Variants in SGMS2 observed in about 807,000 individuals in gnomAD.
SGMS2 encodes sphingomyelin synthase 2.
A neutral mutation model predicts 43.8 loss-of-function variants in SGMS2; 21 were observed. The ratio of observed to expected loss-of-function variants is 0.48; its 90% CI spans 0.34 to 0.69. The LOEUF is 0.69. Among genes scored for constraint, SGMS2 ranks in the 30% least tolerant of loss-of-function variants. The pLI, the probability that SGMS2 is intolerant of heterozygous loss-of-function variation, is 0.01. For synonymous variants in SGMS2, 167 were observed against 160.6 expected (o/e 1.04, Z -0.30); for missense variants, 384 against 443.2 (o/e 0.87, Z 1.20).
intron 1 of SGMS2, among the ~76,000 whole-genome samples, chr4:107,826,931 T>C (rs1560624075): frequency 6.6e-6 from 1 of 152,226 alleles, no homozygotes; most frequent in Non-Finnish European, 1.5e-5. Flanking sequence ...CAGTACCGTG[T>C]AGTGAGATCA....
Position 107,899,621 on chromosome 4 carries a change from C to G in SGMS2, c.502C>G (p.Leu168Val), listed in dbSNP as rs750244340. 8 of 1,612,694 alleles carry G rather than the reference C, an allele frequency of 5.0e-6. No homozygotes were observed. In the East Asian group the frequency reaches 1.8e-4, roughly 36 times the overall value. The change falls in exon 4 of 7, where the codon CTG (leucine) becomes GTG (valine). Residue 168 changes from leucine to valine, a missense_variant. Transcript: ENST00000690982. ...CTGTTTTATTATTGGAACTTTATAC[C>G]TGTATCGCTGCATTACAATGTATGT... ...RFCFIIGTLY[L>V]YRCITMYVTT...
At chr4:107,850,895 A>G (rs1727099294) in intron 1 of SGMS2, among the ~76,000 whole-genome samples, 1 of 152,168 alleles carries the variant, frequency 6.6e-6, no homozygotes, top group African/African-American at 2.4e-5. Context: ...CTCAAGATTC[A>G]GTTGCAAAAC....
chr4:107,890,914 G>GGCTT (rs1029752236), intron 2 of SGMS2, among the ~76,000 whole-genome samples: 96 of 152,032 alleles, frequency 6.3e-4, no homozygotes, highest in African/African-American at 2.2e-3. Flanking sequence ...AACCAGAAAG[G>GGCTT]GCTTGATTTA....
At chr4:107,889,824 G>T (rs574119123) in intron 2 of SGMS2, among the ~76,000 whole-genome samples, 1 of 152,026 alleles carries the variant, frequency 6.6e-6, no homozygotes, top group Admixed American at 6.6e-5. Context: ...AAGTCTAGAG[G>T]GAGATTAAAG....
intron 1 of SGMS2, among the ~76,000 whole-genome samples, chr4:107,837,622 TAAG>T (rs1363942312): frequency 6.6e-6 from 1 of 152,066 alleles, no homozygotes; most frequent in Non-Finnish European, 1.5e-5. Flanking sequence ...TGATGTGACA[TAAG>T]GAGAATGAGG....
At chr4:107,876,048 TTAA>T (rs1728892194) in intron 2 of SGMS2, among the ~76,000 whole-genome samples, 1 of 152,152 alleles carries the variant, frequency 6.6e-6, no homozygotes. Flanking sequence ...AACCTTCTCC[TTAA>T]TAATTTTTCA....
At chr4:107,884,093 TTTC>T (rs1729564256) in intron 2 of SGMS2, among the ~76,000 whole-genome samples, 2 of 151,834 alleles carry the variant, frequency 1.3e-5, no homozygotes, top group Admixed American at 6.6e-5. Flanking sequence ...TTTTCAATTT[TTTC>T]TTCTTTTTTC....
intron 1 of SGMS2, among the ~76,000 whole-genome samples, chr4:107,845,544 C>T (rs1008011352): frequency 6.6e-6 from 1 of 152,102 alleles, no homozygotes; most frequent in African/African-American, 2.4e-5. Context: ...TAGCTGTCTC[C>T]CCTTGAGAAA....
chr4:107,854,237 A>C (rs1727301159), intron 1 of SGMS2, among the ~76,000 whole-genome samples: 1 of 152,198 alleles, frequency 6.6e-6, no homozygotes, highest in Admixed American at 6.5e-5. Context: ...TTCCATGTAC[A>C]ATATGGGACT....
At chr4:107,879,448 A>T (rs151162035) in intron 2 of SGMS2, among the ~76,000 whole-genome samples, 201 of 149,830 alleles carry the variant, frequency 1.3e-3, no homozygotes, top group Non-Finnish European at 2.3e-3. Context: ...CTTTAGAAAT[A>T]ATTTATCTTG....
chr4:107,890,017 T>C (rs1337705023), intron 2 of SGMS2, among the ~76,000 whole-genome samples: 2 of 152,204 alleles, frequency 1.3e-5, no homozygotes, highest in East Asian at 3.8e-4. Context: ...GATGTTTTTA[T>C]GGTTCACTTA....
In SGMS2 at chr4:107,903,284, G is replaced by C; in HGVS notation, c.625G>C (p.Gly209Arg). 2 of 1,614,006 alleles carry C rather than the reference G, an allele frequency of 1.2e-6. No homozygotes were observed. The highest frequency in any genetic ancestry group is 1.7e-6 in the Non-Finnish European group (2 of 1,179,918). ...KVQRILRLISGGGLSITGSHI... is the reference protein window; with the variant it reads ...KVQRILRLISRGGLSITGSHI... ...TCAACGGATTCTACGATTGATTTCT[G>C]GTGGTGGATTGTCCATAACTGGATC... Residue 209 changes from glycine to arginine, a missense_variant, in exon 5 of 7, where the codon GGT becomes CGT. Physicochemically the swap from Gly to Arg is moderately radical, Grantham distance 125. Transcript: ENST00000690982.
At chr4:107,900,790 G>A (rs1310304310) in intron 4 of SGMS2, among the ~76,000 whole-genome samples, 1 of 152,186 alleles carries the variant, frequency 6.6e-6, no homozygotes, top group African/African-American at 2.4e-5. Context: ...CTCTGAAGAC[G>A]TCCACAGTCT....
chr4:107,886,058 C>A, intron 2 of SGMS2, among the ~76,000 whole-genome samples: 1 of 152,136 alleles, frequency 6.6e-6, no homozygotes, highest in East Asian at 1.9e-4. Flanking sequence ...TAATGTGAGT[C>A]ATTTCCTTTT....
chr4:107,825,726 A>G (rs1405396835), intron 1 of SGMS2, among the ~76,000 whole-genome samples: 1 of 146,446 alleles, frequency 6.8e-6, no homozygotes, highest in African/African-American at 2.6e-5. Context: ...GTGGCATTCC[A>G]GAGCTGCTCC....
chr4:107,907,881 G>A (rs1451688028), intron 5 of SGMS2: 1 of 152,188 alleles, frequency 6.6e-6, no homozygotes, highest in Non-Finnish European at 1.5e-5. Context: ...AAACCAGTGA[G>A]TGCCACAGTT....
At chr4:107,896,098 C>A in intron 3 of SGMS2, 90 bp downstream of exon 3, 1 of 1,203,474 alleles carries the variant, frequency 8.3e-7, no homozygotes. Context: ...TTTTTTTCCC[C>A]CAATAAATTC....
chr4:107,900,613 AAGAGCGAGTTCTTG>A (rs1731043117), intron 4 of SGMS2, among the ~76,000 whole-genome samples: 1 of 152,192 alleles, frequency 6.6e-6, no homozygotes, highest in African/African-American at 2.4e-5. Context: ...TTTATCCAGG[AAGAGCGAGTTCTTG>A]AGAGAGCTGT....
chr4:107,837,983 G>A lies in SGMS2; in HGVS notation c.-327+12730G>A, dbSNP rs916210520. Among the ~76,000 whole-genome samples, 2 of 152,168 alleles carry A rather than the reference G, an allele frequency of 1.3e-5. 1 individual carries two copies. The highest frequency in any genetic ancestry group is 3.9e-4 in the East Asian group (2 of 5,190). On this transcript the variant is annotated intron_variant, in intron 1 of 6. Coordinates refer to ENST00000690982, the MANE Select transcript of SGMS2 (RefSeq NM_001375905.1). The stretch of plus-strand genomic sequence containing the variant: ...GGTGACAGATGTCAAATAGCCAGTT[G>A]TGATGCAGAGACCTGCATTCAGGGG...
Sources: allele counts gnomAD v4.1 joint callset (sites outside exome capture counted in the v4.1 genomes callset), GRCh38; gene constraint gnomAD v4.1.1; transcripts MANE v1.5; gene names NCBI Gene and HGNC (gene_info 2026-07-23, HGNC 2026-07-21).